The following ADGRF5 variants were observed in gnomAD, a reference collection of about 807,000 sequenced individuals.
ADGRF5 encodes G-protein coupled receptor 116.
A neutral mutation model predicts 132.3 loss-of-function variants in ADGRF5; 75 were observed. The observed-to-expected ratio is 0.57, with a 90% confidence interval of 0.47 to 0.69. The LOEUF (loss-of-function observed/expected upper bound fraction) is 0.69, where lower values mean the gene tolerates loss of function less well. Ranked by LOEUF, ADGRF5 falls within the 30% of genes least tolerant of loss-of-function variation. The pLI, the probability that ADGRF5 is intolerant of heterozygous loss-of-function variation, is 0.00. For missense variants in ADGRF5, 1,516 were observed against 1,630.6 expected (o/e 0.93, Z 1.21); for synonymous variants, 629 against 597.6 (o/e 1.05, Z -0.77).
chr6:46,941,409 A>AAGAAAAGAAAAGAAAAGAAAAGAAAAG (rs1561838631), intron 1 of ADGRF5, among the ~76,000 whole-genome samples: 47 of 38,712 alleles, frequency 1.2e-3, no homozygotes, highest in African/African-American at 5.3e-3. Context: ...AAGAAAAGAA[A>AAGAAAAGAAAAGAAAAGAAAAGAAAAG]AGAAAAGAAA....
At chr6:46,950,276 A>C (rs760950461) in intron 1 of ADGRF5, among the ~76,000 whole-genome samples, 1 of 152,164 alleles carries the variant, frequency 6.6e-6, no homozygotes, top group Admixed American at 6.5e-5. Flanking sequence ...AAATCCTTCC[A>C]CACATTGAGC....
At chr6:46,948,323 T>C (rs2113843166) in intron 1 of ADGRF5, among the ~76,000 whole-genome samples, 3 of 152,310 alleles carry the variant, frequency 2.0e-5, no homozygotes, top group South Asian at 4.1e-4. Context: ...TGGGTGAGAT[T>C]ATTTGTAATA....
At chr6:46,933,086 C>A (rs1383160564) in intron 1 of ADGRF5, among the ~76,000 whole-genome samples, 1 of 152,162 alleles carries the variant, frequency 6.6e-6, no homozygotes, top group Non-Finnish European at 1.5e-5. Context: ...ATTAATCAAA[C>A]TTTCTGAAGT....
intron 1 of ADGRF5, among the ~76,000 whole-genome samples, chr6:46,937,824 A>G (rs986652585): frequency 2.0e-5 from 3 of 152,224 alleles, no homozygotes; most frequent in African/African-American, 7.2e-5. Flanking sequence ...TAAGTGACCA[A>G]TGGTCAGAAA....
At position 46,880,694 on chromosome 6, in the gene ADGRF5, AAGAG is replaced by A. The variant is rs1221446395; in HGVS notation, c.815-659_815-656del. On this transcript the variant is annotated intron_variant, in intron 8 of 20. Coordinates refer to ENST00000283296, the MANE Select transcript of ADGRF5 (RefSeq NM_001098518.2). Reference sequence around the variant, plus strand: ...CCACTGTCTGGAAAACAGGAGCAGCAAGAGAGAGTTACATTGGGAGGTGACTTGG... The same window carrying A: ...CCACTGTCTGGAAAACAGGAGCAGCAAGAGTTACATTGGGAGGTGACTTGG... 7.9e-5 allele frequency among the ~76,000 whole-genome samples: 12 copies of A among 152,260 alleles called. No homozygotes were observed. The East Asian group carries it at 2.3e-3, about 29-fold the overall frequency.
intron 2 of ADGRF5, among the ~76,000 whole-genome samples, chr6:46,906,351 G>A (rs1228941825): frequency 2.0e-5 from 3 of 152,166 alleles, no homozygotes. Context: ...GGAAGACTTA[G>A]GCCTAGTGGT....
chr6:46,934,670 G>A (rs140063964), intron 1 of ADGRF5, among the ~76,000 whole-genome samples: 62 of 152,282 alleles, frequency 4.1e-4, no homozygotes, highest in Middle Eastern at 3.4e-3. Flanking sequence ...TTCAAATGCA[G>A]GGATGTGTCA....
At chr6:46,887,659 T>A (rs1425039489) in intron 4 of ADGRF5, among the ~76,000 whole-genome samples, 3 of 152,216 alleles carry the variant, frequency 2.0e-5, no homozygotes, top group African/African-American at 4.8e-5. Flanking sequence ...CATTTTAGAA[T>A]AATAAAACCC....
intron 3 of ADGRF5, among the ~76,000 whole-genome samples, chr6:46,889,710 CTA>C (rs1183834102): frequency 6.9e-6 from 1 of 145,424 alleles, no homozygotes; most frequent in African/African-American, 2.5e-5. Context: ...CTAGTCTAGT[CTA>C]TATATATAGT....
chr6:46,884,161 G>C lies in ADGRF5; in HGVS notation c.439C>G (p.Pro147Ala), dbSNP rs1418284973. ...TTAAGGCAACTGCAATGGTGCCCTG[G>C]GAGGAAGACGTCACGCTCTTGACAA... ...LICQERDVFL[P>A]GHHCSCLKEL... Residue 147 changes from proline (P) to alanine (A), a missense_variant, in exon 5 of 21, where the codon CCA becomes GCA. Transcript: ENST00000283296. 1 of 1,614,102 alleles carries C rather than the reference G, an allele frequency of 6.2e-7. No homozygotes were observed. The highest frequency in any genetic ancestry group is 1.1e-5 in the South Asian group (1 of 91,082).
At chr6:46,885,742 T>C in intron 4 of ADGRF5, among the ~76,000 whole-genome samples, 1 of 152,238 alleles carries the variant, frequency 6.6e-6, no homozygotes, top group East Asian at 1.9e-4. Context: ...AGGATGTATG[T>C]TAGAGCATAC....
intron 1 of ADGRF5, among the ~76,000 whole-genome samples, chr6:46,931,282 T>C (rs577025967): frequency 6.6e-6 from 1 of 152,298 alleles, no homozygotes; most frequent in African/African-American, 2.4e-5. Flanking sequence ...CTGAAACATT[T>C]TTCTGTTGCC....
At position 46,944,414 on chromosome 6, in the gene ADGRF5, C is replaced by A. The variant is rs149573503; in HGVS notation, c.-25+10320G>T. ...GACACTGACTGGCACTAGTCCATGGCCCACAAGGTGGGGACTCTTGTTCTA... is the reference window on the plus strand; with the variant it reads ...GACACTGACTGGCACTAGTCCATGGACCACAAGGTGGGGACTCTTGTTCTA... On this transcript the variant is annotated intron_variant, in intron 1 of 20. Coordinates refer to the ADGRF5 transcript ENST00000265417. Among the ~76,000 whole-genome samples the A allele has an allele frequency of 8.9e-4, 135 of 152,280 alleles. No individual in the cohort carries two copies. In the Middle Eastern group the frequency reaches 0.014, roughly 15 times the overall value.
At chr6:46,923,762 C>CATT (rs1226551715), upstream of ADGRF5, among the ~76,000 whole-genome samples, 1 of 152,132 alleles carries the variant, frequency 6.6e-6, no homozygotes, top group Non-Finnish European at 1.5e-5. Flanking sequence ...GCTGCACACA[C>CATT]ATTACAATGA....
Position 46,889,574 on chromosome 6 carries a change from A to G in ADGRF5, c.158-1069T>C, listed in dbSNP as rs561160753. Among the ~76,000 whole-genome samples, 391 of 143,982 alleles carry G rather than the reference A, an allele frequency of 2.7e-3. 2 individuals carry two copies. The highest frequency in any genetic ancestry group is 9.3e-3 in the African/African-American group (363 of 39,218). 94.5% of individuals were successfully genotyped at this position (143,982 alleles called of 152,430 possible). A position where few individuals can be genotyped will look rare whatever the true frequency, so the allele number is the denominator to read the frequency against. On this transcript the variant is annotated intron_variant, in intron 3 of 20. Transcript: ENST00000283296. ...TATATGTGTGTGTGTGTGTGTATAT[A>G]TATATATATATATATATATAGTCTG...
chr6:46,940,821 T>C (rs775263008), intron 1 of ADGRF5, among the ~76,000 whole-genome samples: 1 of 152,194 alleles, frequency 6.6e-6, no homozygotes, highest in African/African-American at 2.4e-5. Context: ...GGTTGGATTT[T>C]CTTAAATTAC....
upstream of ADGRF5, among the ~76,000 whole-genome samples, chr6:46,925,249 C>T (rs1218276417): frequency 1.3e-5 from 2 of 152,176 alleles, no homozygotes; most frequent in Non-Finnish European, 2.9e-5. Context: ...CAGGGATGCT[C>T]TTTGCACAGA....
At position 46,854,061 on chromosome 6, in the gene ADGRF5, A is replaced by T; in HGVS notation, c.3972T>A (p.Asn1324Lys). 1.9e-6 allele frequency: 3 copies of T among 1,597,470 alleles called. No individual in the cohort carries two copies. Among genetic ancestry groups the T allele is most frequent in the Non-Finnish European group, 1.7e-6 (2 of 1,174,078 alleles). The change falls in exon 21 of 21, where the codon AAT (asparagine) becomes AAA (lysine). Residue 1324 changes from asparagine to lysine, a missense_variant. Physicochemically the swap from Asn to Lys is moderately conservative, Grantham distance 94 (BLOSUM62 0). This residue lies in a region of ADGRF5 where 571 missense variants were observed against 701.2 expected (regional missense o/e 0.81). Transcript: ENST00000283296. ...AGCTGGTTGCTTCTGGGGTGGAAAC[A>T]TTATACGTTCCTGAAAAACAGAGCA... is the stretch of plus-strand genomic sequence containing the variant. ...NNLFGKTGTY[N>K]VSTPEATSSS...
chr6:46,929,606 T>C (rs1777455779), intron 1 of ADGRF5, among the ~76,000 whole-genome samples: 1 of 150,752 alleles, frequency 6.6e-6, no homozygotes, highest in African/African-American at 2.4e-5. Flanking sequence ...ACAGGTGGGG[T>C]AGTTATCCAT....
Sources: gnomAD v4.1 joint callset for allele counts (sites outside exome capture counted in the v4.1 genomes callset) on GRCh38, gnomAD v4.1.1 for gene constraint, gnomAD v4.1.1 regional missense constraint, MANE v1.5 for transcripts, NCBI Gene and HGNC (gene_info 2026-07-23, HGNC 2026-07-21) for gene names.